Variants in CPA5 observed in about 807,000 individuals in gnomAD.
The protein encoded by CPA5 is carboxypeptidase A5.
In CPA5, 38 loss-of-function variants were observed where a neutral mutation model predicts 52.2. That is an observed-to-expected ratio of 0.73 (90% confidence interval 0.56 to 0.95). The LOEUF (loss-of-function observed/expected upper bound fraction) is 0.95, where lower values mean the gene tolerates loss of function less well. Ranked by LOEUF, CPA5 falls within the 40% of genes least tolerant of loss-of-function variation. CPA5 has a pLI of 0.00. For synonymous variants in CPA5, 198 were observed against 213.7 expected, an observed-to-expected ratio of 0.93 and a Z score of 0.64; for missense variants, 519 against 566.7, an observed-to-expected ratio of 0.92 and a Z score of 0.86.
chr7:130,360,313 TATA>T (rs1795726128), intron 6 of CPA5, among the ~76,000 whole-genome samples: 1 of 152,238 alleles, frequency 6.6e-6, no homozygotes, highest in Admixed American at 6.5e-5. Flanking sequence ...TGCTGGGGTA[TATA>T]ATATGAGGGG....
chr7:130,365,194 G>C (rs1301323247), intron 10 of CPA5, among the ~76,000 whole-genome samples: 1 of 152,188 alleles, frequency 6.6e-6, no homozygotes, highest in Non-Finnish European at 1.5e-5. Context: ...GGTTGTAACT[G>C]CTTGTGTAAT....
downstream of CPA5, among the ~76,000 whole-genome samples, chr7:130,373,332 GT>G (rs1245502362): frequency 2.0e-5 from 3 of 148,460 alleles, no homozygotes; most frequent in Non-Finnish European, 1.5e-5. Context: ...TTTTAGGTAT[GT>G]TTTTTCATCC....
downstream of CPA5, among the ~76,000 whole-genome samples, chr7:130,369,289 G>C (rs117698876): frequency 6.6e-6 from 1 of 150,796 alleles, no homozygotes; most frequent in Non-Finnish European, 1.5e-5. Context: ...CATCATCAGC[G>C]ACACCATCCT....
downstream of CPA5, among the ~76,000 whole-genome samples, chr7:130,370,333 CT>C (rs111517155): frequency 1.5e-4 from 23 of 149,382 alleles, no homozygotes; most frequent in South Asian, 4.3e-4. Flanking sequence ...CCACAGGAGA[CT>C]TTTTTTTTTT....
At chr7:130,347,465 C>T (rs897195787) in intron 3 of CPA5, among the ~76,000 whole-genome samples, 1 of 152,174 alleles carries the variant, frequency 6.6e-6, no homozygotes, top group Non-Finnish European at 1.5e-5. Flanking sequence ...TCCCTTCCTT[C>T]TTCCCCTGGC....
At chr7:130,367,757 A>G (rs748812) in intron 11 of CPA5, 149 bp from the exon 12 acceptor site, 446,817 of 835,500 alleles carry the variant, frequency 0.53, 122,236 homozygotes, top group African/African-American at 0.74. Context: ...CAAAGCTGGA[A>G]ATGCTGTGCT....
chr7:130,357,296 A>AC (rs782028099), intron 5 of CPA5, among the ~76,000 whole-genome samples: 1 of 151,968 alleles, frequency 6.6e-6, no homozygotes, highest in Non-Finnish European at 1.5e-5. Flanking sequence ...GCGGGGAGGG[A>AC]CACCGCTCTT....
chr7:130,373,959 G>C, the CPA5 span, among the ~76,000 whole-genome samples: 3 of 152,218 alleles, frequency 2.0e-5, no homozygotes, highest in Admixed American at 1.3e-4. Flanking sequence ...GGCCAAACAG[G>C]CTGCCTGGAT....
intron 5 of CPA5, among the ~76,000 whole-genome samples, chr7:130,350,877 C>T (rs902278849): frequency 2.6e-5 from 4 of 152,220 alleles, no homozygotes; most frequent in African/African-American, 9.6e-5. Context: ...TTTGTGGGTA[C>T]CACTCATTGG....
intron 7 of CPA5, among the ~76,000 whole-genome samples, chr7:130,361,786 C>G (rs1334273862): frequency 6.6e-6 from 1 of 152,186 alleles, no homozygotes; most frequent in Admixed American, 6.5e-5. Flanking sequence ...CATCAGAAAG[C>G]AATTCTTAGT....
At chr7:130,352,921 T>C (rs1795255530) in intron 5 of CPA5, among the ~76,000 whole-genome samples, 1 of 151,954 alleles carries the variant, frequency 6.6e-6, no homozygotes, top group Non-Finnish European at 1.5e-5. Flanking sequence ...TTTTAATGGC[T>C]TTTTTTCTGA....
the CPA5 span, among the ~76,000 whole-genome samples, chr7:130,373,869 G>C: frequency 6.6e-6 from 1 of 152,216 alleles, no homozygotes; most frequent in African/African-American, 2.4e-5. Flanking sequence ...AGGCTAGGAC[G>C]GGCAAGCCAG....
chr7:130,367,095 G>T (rs1302580642), intron 10 of CPA5, among the ~76,000 whole-genome samples: 1 of 152,194 alleles, frequency 6.6e-6, no homozygotes, highest in Non-Finnish European at 1.5e-5. Flanking sequence ...AGTGAGAGAG[G>T]GATCCAGGAG....
At chr7:130,361,822 T>C (rs1161728605) in intron 7 of CPA5, among the ~76,000 whole-genome samples, 1 of 151,708 alleles carries the variant, frequency 6.6e-6, no homozygotes, top group Non-Finnish European at 1.5e-5. Context: ...CACCCGGGAG[T>C]GTGGACCCTG....
At chr7:130,356,196 G>A (rs1795465950) in intron 5 of CPA5, among the ~76,000 whole-genome samples, 1 of 148,436 alleles carries the variant, frequency 6.7e-6, no homozygotes, top group Non-Finnish European at 1.5e-5. Flanking sequence ...TGAGAGATCT[G>A]CTCTCCTCCG....
chr7:130,369,292 A>G (rs1211899085), downstream of CPA5, among the ~76,000 whole-genome samples: 2 of 151,942 alleles, frequency 1.3e-5, no homozygotes, highest in African/African-American at 2.4e-5. Context: ...CATCAGCGAC[A>G]CCATCCTGGT....
intron 5 of CPA5, among the ~76,000 whole-genome samples, chr7:130,357,993 T>TGTGTGTGTGTG (rs1584812617): frequency 1.4e-5 from 2 of 147,284 alleles, no homozygotes; most frequent in Non-Finnish European, 3.0e-5. Context: ...TGTGTGTGTG[T>TGTGTGTGTGTG]TTAGAAATAG....
In CPA5 at chr7:130,361,373, G is replaced by T. The variant is rs1584820740; in HGVS notation, c.534+129G>T. The T allele has an allele frequency of 5.8e-5, 38 of 660,002 alleles. No individual in the cohort carries two copies. The South Asian group carries it at 6.9e-4, about 12-fold the overall frequency. The allele number at this position is 660,002 out of a possible 1,614,324, so 40.9% of individuals were successfully genotyped here. A position where few individuals can be genotyped will look rare whatever the true frequency, so the allele number is the denominator to read the frequency against. ...ACAATTTGTCTACTCCTGTCCCCAG[G>T]TGACCCATAAACTTTGGGGTTGTGG... On this transcript the variant is annotated intron_variant, in intron 7 of 12. Coordinates refer to ENST00000474905, the MANE Select transcript of CPA5 (RefSeq NM_080385.5).
intron 10 of CPA5, among the ~76,000 whole-genome samples, chr7:130,366,880 C>A (rs1796116236): frequency 6.6e-6 from 1 of 152,198 alleles, no homozygotes; most frequent in African/African-American, 2.4e-5. Flanking sequence ...CTAAAGGGAC[C>A]ACAGGACAAG....
Sources: gnomAD v4.1 joint callset for allele counts (sites outside exome capture counted in the v4.1 genomes callset) on GRCh38, gnomAD v4.1.1 for gene constraint, MANE v1.5 for transcripts, NCBI Gene and HGNC (gene_info 2026-07-23, HGNC 2026-07-21) for gene names.